The following GLRA3 variants were observed in gnomAD, a reference collection of about 807,000 sequenced individuals.
The protein encoded by GLRA3 is glycine receptor alpha 3, also known as glycine receptor subunit alpha-3.
In GLRA3, 44 loss-of-function variants were observed where a neutral mutation model predicts 60.4. The observed-to-expected ratio is 0.73, with a 90% CI of 0.57 to 0.94. GLRA3 has a LOEUF of 0.94. GLRA3 is among the 40% of genes least tolerant of loss of function. The pLI is 0.00. For synonymous variants in GLRA3, 223 were observed against 192.9 expected, an observed-to-expected ratio of 1.16 and a Z score of -1.29; for missense variants, 508 against 564.6, an observed-to-expected ratio of 0.90 and a Z score of 1.02.
chr4:174,794,827 T>C lies in GLRA3; in HGVS notation c.72-5884A>G, dbSNP rs993772665. Among the ~76,000 whole-genome samples, 10 of 152,212 alleles carry C rather than the reference T, an allele frequency of 6.6e-5. No individual in the cohort carries two copies. The East Asian group carries it at 1.9e-3, about 29-fold the overall frequency. On this transcript the variant is annotated intron_variant, in intron 1 of 9. Coordinates refer to ENST00000274093, the MANE Select transcript of GLRA3 (RefSeq NM_006529.4). ...AAATATACTTTCATTGCCAAAAATA[T>C]TTGCTTCCAAGTATATTACGTAAAA...
intron 1 of GLRA3, among the ~76,000 whole-genome samples, chr4:174,817,360 T>G (rs1373393947): frequency 6.6e-6 from 1 of 152,206 alleles, no homozygotes; most frequent in African/African-American, 2.4e-5. Context: ...ATTCCAGCCT[T>G]GAGCTGTTCA....
At chr4:174,652,823 T>C (rs1355894046) in intron 9 of GLRA3, among the ~76,000 whole-genome samples, 1 of 152,154 alleles carries the variant, frequency 6.6e-6, no homozygotes, top group African/African-American at 2.4e-5. Context: ...ACTAATTTTG[T>C]ATCTTCTTCT....
At chr4:174,725,938 CTT>C (rs1276380913) in intron 4 of GLRA3, among the ~76,000 whole-genome samples, 1 of 152,186 alleles carries the variant, frequency 6.6e-6, no homozygotes, top group Non-Finnish European at 1.5e-5. Context: ...GACTCTGGCT[CTT>C]ATTTAAACTT....
At chr4:174,741,913 G>A (rs1737042616) in intron 3 of GLRA3, among the ~76,000 whole-genome samples, 1 of 152,080 alleles carries the variant, frequency 6.6e-6, no homozygotes, top group Non-Finnish European at 1.5e-5. Flanking sequence ...GAGGCAAGAG[G>A]TTATTTGTTC....
chr4:174,785,986 C>G (rs1211035431), intron 2 of GLRA3, among the ~76,000 whole-genome samples: 1 of 129,552 alleles, frequency 7.7e-6, no homozygotes, highest in Non-Finnish European at 1.5e-5. Context: ...CAGAGCTGGT[C>G]TCAAACTCCT....
intron 3 of GLRA3, among the ~76,000 whole-genome samples, chr4:174,739,232 AGATTGTTGT>A (rs1736915681): frequency 6.6e-6 from 1 of 152,162 alleles, no homozygotes; most frequent in Admixed American, 6.5e-5. Flanking sequence ...GGATTTGAAG[AGATTGTTGT>A]GATGGTTAAA....
intron 2 of GLRA3, among the ~76,000 whole-genome samples, chr4:174,781,228 G>A (rs1238150141): frequency 6.6e-5 from 10 of 151,668 alleles, no homozygotes; most frequent in East Asian, 3.9e-4. Context: ...GGTACATAAC[G>A]AAATGAAGGC....
At chr4:174,670,210 G>T (rs1314227030) in intron 7 of GLRA3, among the ~76,000 whole-genome samples, 1 of 152,032 alleles carries the variant, frequency 6.6e-6, no homozygotes, top group East Asian at 1.9e-4. Context: ...ATCTACTCAG[G>T]CTAAATTATA....
chr4:174,751,704 G>A (rs1308475341), intron 3 of GLRA3, among the ~76,000 whole-genome samples: 1 of 151,980 alleles, frequency 6.6e-6, no homozygotes, highest in East Asian at 1.9e-4. Flanking sequence ...TCTTGGGCAA[G>A]TTTACTCATT....
chr4:174,667,666 G>A (rs1335635603), intron 7 of GLRA3, among the ~76,000 whole-genome samples: 3 of 152,088 alleles, frequency 2.0e-5, no homozygotes, highest in Non-Finnish European at 4.4e-5. Context: ...AGTAAAGACA[G>A]GCAGTCTGCA....
intron 7 of GLRA3, among the ~76,000 whole-genome samples, chr4:174,674,687 T>A (rs545178991): frequency 7.2e-5 from 11 of 152,296 alleles, no homozygotes; most frequent in African/African-American, 2.6e-4. Flanking sequence ...CACTGTCCTA[T>A]GTTTTATAGT....
intron 7 of GLRA3, among the ~76,000 whole-genome samples, chr4:174,666,739 A>AATAT (rs1206177926): frequency 3.2e-4 from 43 of 134,162 alleles, no homozygotes; most frequent in Middle Eastern, 7.8e-3. Context: ...CTCAAATAAG[A>AATAT]ATATATATAT....
At position 174,642,324 on chromosome 4, in the gene GLRA3, T is replaced by C; in HGVS notation, c.*1462A>G. 7 of 930,132 alleles carry C rather than the reference T, an allele frequency of 7.5e-6. No homozygotes were observed. Among genetic ancestry groups the C allele is most frequent in the Non-Finnish European group, 7.4e-6 (6 of 809,046 alleles). 57.6% of individuals were successfully genotyped at this position (930,132 alleles called of 1,614,324 possible). A position where few individuals can be genotyped will look rare whatever the true frequency, so the allele number is the denominator to read the frequency against. Reference sequence around the variant, plus strand: ...CTTTTCTATTGTACATCTGAGTTCATTGTTTTCTTAATCTTTAAAGTTTTC... The same window carrying C: ...CTTTTCTATTGTACATCTGAGTTCACTGTTTTCTTAATCTTTAAAGTTTTC... On this transcript the variant is annotated 3_prime_UTR_variant, in exon 10 of 10. Coordinates refer to ENST00000274093, the MANE Select transcript of GLRA3 (RefSeq NM_006529.4).
At chr4:174,826,613 A>G (rs1240525922) in intron 1 of GLRA3, among the ~76,000 whole-genome samples, 6 of 152,184 alleles carry the variant, frequency 3.9e-5, no homozygotes, top group Non-Finnish European at 8.8e-5. Flanking sequence ...TTCAAAGCCT[A>G]TGACATAAAA....
chr4:174,676,992 A>C (rs554865951), intron 7 of GLRA3, 86 bp downstream of exon 7: 14 of 793,000 alleles, frequency 1.8e-5, no homozygotes, highest in African/African-American at 1.5e-4. Flanking sequence ...GCCATTGAAA[A>C]ATATCTGACC....
At chr4:174,817,276 C>G (rs533951157) in intron 1 of GLRA3, among the ~76,000 whole-genome samples, 21 of 152,182 alleles carry the variant, frequency 1.4e-4, no homozygotes, top group African/African-American at 5.1e-4. Context: ...GAAAGCAGAG[C>G]ATCTATCTTC....
intron 3 of GLRA3, among the ~76,000 whole-genome samples, chr4:174,752,901 A>T (rs574578798): frequency 6.6e-6 from 1 of 152,218 alleles, no homozygotes; most frequent in African/African-American, 2.4e-5. Context: ...AACTACTAAA[A>T]TTTTTGAAAA....
intron 7 of GLRA3, among the ~76,000 whole-genome samples, chr4:174,671,553 A>T (rs1733909796): frequency 6.6e-6 from 1 of 152,158 alleles, no homozygotes; most frequent in Non-Finnish European, 1.5e-5. Flanking sequence ...GTATCAGTTC[A>T]ATTTATATTT....
chr4:174,785,157 T>A (rs1035491393), intron 2 of GLRA3, among the ~76,000 whole-genome samples: 2 of 152,258 alleles, frequency 1.3e-5, no homozygotes, highest in Admixed American at 6.5e-5. Flanking sequence ...GAGATTTTTT[T>A]AAAGTGTACT....
Sources: allele counts gnomAD v4.1 joint callset (sites outside exome capture counted in the v4.1 genomes callset), GRCh38; gene constraint gnomAD v4.1.1; transcripts MANE v1.5; gene names NCBI Gene and HGNC (gene_info 2026-07-23, HGNC 2026-07-21).